Variants in TNNT2 observed in about 807,000 individuals in gnomAD.
The protein encoded by TNNT2 is troponin T, cardiac muscle.
A neutral mutation model predicts 62.4 loss-of-function variants in TNNT2; 34 were observed. The ratio of observed to expected loss-of-function variants is 0.54; its 90% confidence interval spans 0.41 to 0.72. The LOEUF is 0.72. Ranked by LOEUF, TNNT2 falls within the 30% of genes least tolerant of loss-of-function variation. The pLI is 0.00. For missense variants in TNNT2, 275 were observed against 381.9 expected (o/e 0.72, Z 2.33); for synonymous variants, 123 against 127.2 (o/e 0.97, Z 0.22).
Position 201,372,016 on chromosome 1 carries a change from G to A in TNNT2, c.67+11C>T. Reference sequence around the variant, plus strand: ...CCCCTTTCTGGCTCTCCACCTGCCTGAGGCACATACCTTCAACAGCTGCTT... The same window carrying A: ...CCCCTTTCTGGCTCTCCACCTGCCTAAGGCACATACCTTCAACAGCTGCTT... On this transcript the variant is annotated intron_variant, in intron 4 of 16. Transcript: ENST00000656932. 9 of 1,613,304 alleles carry A rather than the reference G, an allele frequency of 5.6e-6. No individual in the cohort carries two copies. Among genetic ancestry groups the A allele is most frequent in the Non-Finnish European group, 7.6e-6 (9 of 1,179,864 alleles).
Position 201,369,753 on chromosome 1 carries a change from C to G in TNNT2, c.97+63G>C. 1.9e-6 allele frequency: 3 copies of G among 1,609,938 alleles called. No homozygotes were observed. In the East Asian group the frequency reaches 6.7e-5, roughly 36 times the overall value. On this transcript the variant is annotated intron_variant, in intron 5 of 16. Coordinates refer to ENST00000656932, the MANE Select transcript of TNNT2 (RefSeq NM_001276345.2). ...CAGCCCCCAGAACAGGGCCCCTGGA[C>G]AAGGAGGCTGCACTTGGGACAGCAG...
At chr1:201,361,204 G>T in intron 15 of TNNT2, 75 bp downstream of exon 15, 1 of 1,399,886 alleles carries the variant, frequency 7.1e-7, no homozygotes, top group Non-Finnish European at 1.0e-6. Context: ...GGGACCTGCA[G>T]CAGTATTACC....
In TNNT2 at chr1:201,361,336, A is replaced by G. The variant is rs1571600645; in HGVS notation, c.753T>C (p.Tyr251=). Residue 251 remains tyrosine (Y), a synonymous_variant, in exon 15 of 17, where the codon TAT becomes TAC. Coordinates refer to ENST00000656932, the MANE Select transcript of TNNT2 (RefSeq NM_001276345.2). ...GGTCGAACTTCTCTGCCTCCAAGTT[A>G]TAGATGCTCTGCCACAGCTCCTTGG... ...EKAKELWQSI[Y]NLEAEKFDLQ... is the part of the protein sequence containing the mutation. 5 of 1,614,142 alleles carry G rather than the reference A, an allele frequency of 3.1e-6. No homozygotes were observed. Among genetic ancestry groups the G allele is most frequent in the Non-Finnish European group, 4.2e-6 (5 of 1,180,004 alleles).
intron 14 of TNNT2, 92 bp downstream of exon 14, chr1:201,361,821 C>T: frequency 1.7e-6 from 2 of 1,209,068 alleles, no homozygotes; most frequent in Non-Finnish European, 2.5e-6. Flanking sequence ...CAGTCCTGCC[C>T]TCTGGTGGCT....
chr1:201,368,270 C>T (rs1472418361), intron 5 of TNNT2, 43 bp from the exon 6 acceptor site: 2 of 1,604,254 alleles, frequency 1.2e-6, no homozygotes, highest in South Asian at 2.2e-5. Context: ...AGGCCCCACT[C>T]ATGCTATCAG....
intron 5 of TNNT2, among the ~76,000 whole-genome samples, chr1:201,369,580 C>A (rs1660282044): frequency 6.6e-6 from 1 of 152,160 alleles, no homozygotes; most frequent in South Asian, 2.1e-4. Flanking sequence ...ACCACCCAAC[C>A]CAGGGGAAGG....
intron 6 of TNNT2, 83 bp downstream of exon 6, chr1:201,368,078 TG>T (rs1659990067): frequency 6.5e-6 from 9 of 1,394,364 alleles, no homozygotes; most frequent in South Asian, 3.5e-5. Context: ...AAGCCTGTTC[TG>T]GGGGGTTTCT....
In TNNT2 at chr1:201,362,383, C is replaced by A. The variant is rs997358710; in HGVS notation, c.609+3G>T. 1.2e-6 allele frequency: 2 copies of A among 1,613,740 alleles called. No individual in the cohort carries two copies. The highest frequency in any genetic ancestry group is 1.3e-5 in the African/African-American group (1 of 74,886). ...AAGAAGGCTTGAGGTTTTTGGTACCCACCTGGGCCTGCTAAACCGGGAAAC... is the reference window on the plus strand; with the variant it reads ...AAGAAGGCTTGAGGTTTTTGGTACCAACCTGGGCCTGCTAAACCGGGAAAC... On this transcript the variant is annotated splice_donor_region_variant and intron_variant, in intron 13 of 16. Coordinates refer to ENST00000656932, the MANE Select transcript of TNNT2 (RefSeq NM_001276345.2).
chr1:201,363,421 G>A lies in TNNT2; in HGVS notation c.490-15C>T. ...GCCCTCTCTTCCTGATTTACAGCAG[G>A]GAGGAAGAAAGCAAATTAGGGGAAA... On this transcript the variant is annotated splice_polypyrimidine_tract_variant and intron_variant, in intron 11 of 16. Coordinates refer to ENST00000656932, the MANE Select transcript of TNNT2 (RefSeq NM_001276345.2). The A allele has an allele frequency of 6.2e-7, 1 of 1,613,098 alleles. No individual in the cohort carries two copies. Among genetic ancestry groups the A allele is most frequent in the Middle Eastern group, 1.6e-4 (1 of 6,062 alleles).
At chr1:201,376,236 T>C (rs992559208) in intron 1 of TNNT2, among the ~76,000 whole-genome samples, 2 of 151,980 alleles carry the variant, frequency 1.3e-5, no homozygotes, top group African/African-American at 4.8e-5. Flanking sequence ...GCAAAGACAA[T>C]AGAAGGCATA....
intron 9 of TNNT2, 147 bp downstream of exon 9, chr1:201,365,463 C>T (rs530680508): frequency 1.5e-4 from 176 of 1,188,036 alleles, no homozygotes; most frequent in Admixed American, 2.2e-4. Context: ...CCCAGGACCA[C>T]GCTCATGGAT....
intron 4 of TNNT2, among the ~76,000 whole-genome samples, chr1:201,370,845 A>T (rs1394989473): frequency 6.6e-6 from 1 of 152,258 alleles, no homozygotes; most frequent in Non-Finnish European, 1.5e-5. Flanking sequence ...TCCAAAACAA[A>T]GGAAGGGATA....
intron 10 of TNNT2, 75 bp from the exon 11 acceptor site, chr1:201,364,450 G>A: frequency 6.8e-7 from 1 of 1,468,864 alleles, no homozygotes; most frequent in Non-Finnish European, 9.3e-7. Flanking sequence ...AACCTGCATG[G>A]GGTGGCAAGG....
intron 5 of TNNT2, chr1:201,369,229 T>C (rs954656941): frequency 1.7e-5 from 8 of 467,082 alleles, no homozygotes; most frequent in African/African-American, 1.4e-4. Context: ...TCTTGAGATA[T>C]AGCTGTCAGA....
intron 8 of TNNT2, 102 bp from the exon 9 acceptor site, chr1:201,365,772 G>C: frequency 6.4e-7 from 1 of 1,558,442 alleles, no homozygotes; most frequent in East Asian, 2.4e-5. Flanking sequence ...GAATCTTCCA[G>C]CACTGCCCCG....
chr1:201,372,065 A>T, intron 3 of TNNT2, 24 bp from the exon 4 acceptor site: 1 of 1,614,072 alleles, frequency 6.2e-7, no homozygotes, highest in Non-Finnish European at 8.5e-7. Context: ...AAGTCCAGGC[A>T]GCAAGAGAAG....
rs2365652 is a variant in TNNT2, at chr1:201,362,536, C to A, written c.601-142G>T. ...TACTCGCTGTAGTCAGCCGGGTTTACTAGGACGTGGGTCTGAGGGTTACAG... is the reference window on the plus strand; with the variant it reads ...TACTCGCTGTAGTCAGCCGGGTTTAATAGGACGTGGGTCTGAGGGTTACAG... On this transcript the variant is annotated intron_variant, in intron 12 of 16. Coordinates refer to ENST00000656932, the MANE Select transcript of TNNT2 (RefSeq NM_001276345.2). 657,093 of 1,104,286 alleles carry A rather than the reference C, an allele frequency of 0.6. 200,098 individuals carry two copies. Among genetic ancestry groups the A allele is most frequent in the Admixed American group, 0.67 (28,733 of 43,068 alleles). The allele number at this position is 1,104,286 out of a possible 1,614,324, so 68.4% of individuals were successfully genotyped here. A position where few individuals can be genotyped will look rare whatever the true frequency, so the allele number is the denominator to read the frequency against.
intron 8 of TNNT2, chr1:201,366,465 C>A (rs868585015): frequency 8.7e-7 from 1 of 1,149,288 alleles, no homozygotes; most frequent in Non-Finnish European, 1.1e-6. Context: ...TATGCTGGCA[C>A]GGTTTCATTG....
intron 8 of TNNT2, chr1:201,366,487 A>G: frequency 8.5e-7 from 1 of 1,179,056 alleles, no homozygotes; most frequent in Non-Finnish European, 1.1e-6. Flanking sequence ...TTGGCTCCCC[A>G]CAATTTGCTT....
Sources: gnomAD v4.1 joint callset for allele counts (sites outside exome capture counted in the v4.1 genomes callset) on GRCh38, gnomAD v4.1.1 for gene constraint, MANE v1.5 for transcripts, NCBI Gene and HGNC (gene_info 2026-07-23, HGNC 2026-07-21) for gene names.